CPD: variants seen among roughly 807,000 people sequenced by gnomAD.
The protein encoded by CPD is carboxypeptidase D, also known as metallocarboxypeptidase D.
CPD carries 69 observed loss-of-function variants against 138.3 expected under a neutral mutation model. The observed-to-expected ratio is 0.50, with a 90% CI of 0.41 to 0.61. The LOEUF is 0.61. Ranked by LOEUF, CPD falls within the 20% of genes least tolerant of loss-of-function variation. The pLI, the probability that CPD is intolerant of heterozygous loss-of-function variation, is 0.00. For synonymous variants in CPD, 651 were observed against 642.1 expected, an observed-to-expected ratio of 1.01 and a Z score of -0.21; for missense variants, 1,432 against 1,733.3, an observed-to-expected ratio of 0.83 and a Z score of 3.09.
intron 2 of CPD, among the ~76,000 whole-genome samples, chr17:30,414,049 G>A (rs1912038792): frequency 6.6e-6 from 1 of 152,234 alleles, no homozygotes; most frequent in Admixed American, 6.5e-5. Context: ...CAGTGATGGA[G>A]AGAGTATAAA....
chr17:30,467,426 A>G lies in CPD; in HGVS notation c.*2612A>G, dbSNP rs1222195622. 6.6e-6 allele frequency: 1 copy of G among 152,192 alleles called. No homozygotes were observed. The highest frequency in any genetic ancestry group is 2.4e-5 in the African/African-American group (1 of 41,440). The allele number at this position is 152,192 out of a possible 1,614,324, so 9.4% of individuals were successfully genotyped here. On this transcript the variant is annotated 3_prime_UTR_variant, in exon 21 of 21. Coordinates refer to ENST00000225719, the MANE Select transcript of CPD (RefSeq NM_001304.5). ...GATGTGCCCAAGTCATTTCAGAAAG[A>G]AAGACCCTTCAGTTTTGATGCATTT...
At chr17:30,446,686 T>C (rs1913040000) in intron 12 of CPD, among the ~76,000 whole-genome samples, 1 of 152,224 alleles carries the variant, frequency 6.6e-6, no homozygotes. Context: ...TTTGGGTATA[T>C]ACCCAGTAAT....
Position 30,427,397 on chromosome 17 carries a change from C to T in CPD, c.1856C>T (p.Ser619Leu). Residue 619 changes from serine to leucine, a missense_variant, in exon 7 of 21, where the codon TCA becomes TTA. Physicochemically the swap from Ser to Leu is moderately radical, Grantham distance 145. Coordinates refer to ENST00000225719, the MANE Select transcript of CPD (RefSeq NM_001304.5). The stretch of plus-strand genomic sequence containing the variant: ...CCTTTATCATATCATACAGGAGATT[C>T]AATAAGTGTAATTGGCAGAAACAAC... ...DGYEKSQEGD[S>L]ISVIGRNNSN... 1 of 1,613,812 alleles carries T rather than the reference C, an allele frequency of 6.2e-7. No homozygotes were observed. The highest frequency in any genetic ancestry group is 8.5e-7 in the Non-Finnish European group (1 of 1,179,774).
intron 8 of CPD, among the ~76,000 whole-genome samples, chr17:30,438,396 T>C (rs1391959120): frequency 6.6e-6 from 1 of 152,150 alleles, no homozygotes; most frequent in East Asian, 1.9e-4. Flanking sequence ...GAGTTATCAG[T>C]TGGACACCTA....
intron 9 of CPD, 102 bp from the exon 10 acceptor site, chr17:30,442,206 A>G (rs1254249751): frequency 6.8e-6 from 7 of 1,032,514 alleles, no homozygotes; most frequent in Admixed American, 4.3e-5. Flanking sequence ...CAATGCTGAT[A>G]AGAGATAAAT....
intron 2 of CPD, among the ~76,000 whole-genome samples, chr17:30,416,766 T>G (rs1912118238): frequency 6.6e-6 from 1 of 152,184 alleles, no homozygotes; most frequent in African/African-American, 2.4e-5. Context: ...AACTACCTAG[T>G]CTCTAGTTGC....
intron 14 of CPD, among the ~76,000 whole-genome samples, chr17:30,453,547 G>A (rs1001444987): frequency 6.6e-6 from 1 of 152,208 alleles, no homozygotes; most frequent in East Asian, 1.9e-4. Context: ...CTGGCATTGA[G>A]TGTCTGTGGC....
At chr17:30,447,686 C>T (rs1372863535) in intron 12 of CPD, 1 of 151,986 alleles carries the variant, frequency 6.6e-6, no homozygotes, top group African/African-American at 2.4e-5. Context: ...ATTCTAGTCT[C>T]TATTCACAGT....
chr17:30,380,105 T>C, intron 1 of CPD: 1 of 191,318 alleles, frequency 5.2e-6, no homozygotes, highest in East Asian at 1.3e-4. Context: ...CCTAATGTTA[T>C]AGGCGCTGTG....
intron 11 of CPD, 96 bp downstream of exon 11, chr17:30,444,067 G>T (rs952890742): frequency 3.4e-5 from 46 of 1,342,540 alleles, no homozygotes; most frequent in Non-Finnish European, 4.7e-5. Flanking sequence ...AGCCTGTTAA[G>T]CAACTTTGAA....
intron 17 of CPD, among the ~76,000 whole-genome samples, chr17:30,460,092 A>C (rs1421572874): frequency 2.0e-5 from 3 of 152,250 alleles, no homozygotes; most frequent in Non-Finnish European, 2.9e-5. Flanking sequence ...GAAATTAAAG[A>C]CACAAAAAAT....
At chr17:30,415,813 A>G (rs1486878571) in intron 2 of CPD, among the ~76,000 whole-genome samples, 2 of 152,254 alleles carry the variant, frequency 1.3e-5, no homozygotes, top group Admixed American at 1.3e-4. Flanking sequence ...GCCTTAAAAA[A>G]GAAGGGAATC....
At chr17:30,391,883 C>T (rs571304955) in intron 2 of CPD, among the ~76,000 whole-genome samples, 2 of 152,132 alleles carry the variant, frequency 1.3e-5, no homozygotes, top group African/African-American at 4.8e-5. Flanking sequence ...TTGTTTTATT[C>T]CATTTTCTAT....
rs1435155211 is a variant in CPD at position 30,467,392 on chromosome 17, G to A, written c.*2578G>A. The A allele has an allele frequency of 2.0e-5, 3 of 152,256 alleles. No individual in the cohort carries two copies. Among genetic ancestry groups the A allele is most frequent in the Non-Finnish European group, 4.4e-5 (3 of 68,026 alleles). 9.4% of individuals were successfully genotyped at this position (152,256 alleles called of 1,614,324 possible). A position where few individuals can be genotyped will look rare whatever the true frequency, so the allele number is the denominator to read the frequency against. ...TACATGTACTTGTATTGATTATGTA[G>A]TTCAGTAAGATGTGCCCAAGTCATT... On this transcript the variant is annotated 3_prime_UTR_variant, in exon 21 of 21. Transcript: ENST00000225719.
rs758667162 is a variant in CPD, at chr17:30,379,042, G to T, written c.62G>T (p.Cys21Phe). ...WRLGRLLLLMCLLLLGSSARA... is the reference protein window; with the variant it reads ...WRLGRLLLLMFLLLLGSSARA... ...CTAGGGCGGCTCCTGTTGCTCATGTGCCTGCTGCTGCTGGGGAGCTCGGCC... is the reference window on the plus strand; with the variant it reads ...CTAGGGCGGCTCCTGTTGCTCATGTTCCTGCTGCTGCTGGGGAGCTCGGCC... Residue 21 changes from cysteine (C) to phenylalanine (F), a missense_variant, in exon 1 of 21, where the codon TGC (cysteine) becomes TTC (phenylalanine). Coordinates refer to ENST00000225719, the MANE Select transcript of CPD (RefSeq NM_001304.5). The surrounding 1 kb of genome is among the most constrained non-coding windows in gnomAD (Gnocchi z 7.0). The T allele has an allele frequency of 1.7e-5, 27 of 1,562,030 alleles. No individual in the cohort carries two copies. Among genetic ancestry groups the T allele is most frequent in the Non-Finnish European group, 2.1e-5 (24 of 1,161,512 alleles).
At chr17:30,453,288 G>A (rs969307796) in intron 14 of CPD, among the ~76,000 whole-genome samples, 3 of 152,206 alleles carry the variant, frequency 2.0e-5, no homozygotes, top group African/African-American at 7.2e-5. Flanking sequence ...ATAAAATAGG[G>A]GTACAGGCAT....
chr17:30,422,367 A>G (rs1912287221), intron 4 of CPD, among the ~76,000 whole-genome samples: 1 of 152,212 alleles, frequency 6.6e-6, no homozygotes, highest in South Asian at 2.1e-4. Context: ...TGAGTACTGT[A>G]GCAGTGGTTA....
chr17:30,465,578 A>G lies in CPD; in HGVS notation c.*764A>G, dbSNP rs1052141288. ...AGAGATCTAGCAAAAGCTAAAACTC[A>G]TGTTGTCTATCTTTGAACTTGGTAA... On this transcript the variant is annotated 3_prime_UTR_variant, in exon 21 of 21. Coordinates refer to ENST00000225719, the MANE Select transcript of CPD (RefSeq NM_001304.5). The G allele has an allele frequency of 6.6e-6, 1 of 152,646 alleles. No individual in the cohort carries two copies. Among genetic ancestry groups the G allele is most frequent in the Non-Finnish European group, 1.5e-5 (1 of 68,032 alleles). The allele number at this position is 152,646 out of a possible 1,614,324, so 9.5% of individuals were successfully genotyped here. A position where few individuals can be genotyped will look rare whatever the true frequency, so the allele number is the denominator to read the frequency against.
intron 2 of CPD, among the ~76,000 whole-genome samples, chr17:30,403,052 G>A (rs1911716937): frequency 6.6e-6 from 1 of 152,170 alleles, no homozygotes; most frequent in Non-Finnish European, 1.5e-5. Flanking sequence ...GTTGCGGTGA[G>A]CAGAGATAGT....
Sources: allele counts gnomAD v4.1 joint callset (sites outside exome capture counted in the v4.1 genomes callset), GRCh38; gene constraint gnomAD v4.1.1; non-coding constraint Gnocchi (gnomAD v3.1); transcripts MANE v1.5; gene names NCBI Gene and HGNC (gene_info 2026-07-23, HGNC 2026-07-21).